Variants in COL4A5 observed in about 807,000 individuals in gnomAD.
COL4A5 encodes the protein collagen alpha-5(IV) chain.
In COL4A5, 26 loss-of-function variants were observed where a neutral mutation model predicts 130.2. The ratio of observed to expected loss-of-function variants is 0.20; its 90% CI spans 0.15 to 0.28. The LOEUF (loss-of-function observed/expected upper bound fraction) is 0.28, where lower values mean the gene tolerates loss of function less well. COL4A5 is among the 10% of genes least tolerant of loss of function. The pLI is 1.00. For synonymous variants in COL4A5, 496 were observed against 439.6 expected, an observed-to-expected ratio of 1.13 and a Z score of -1.60; for missense variants, 1,131 against 1,344.3, an observed-to-expected ratio of 0.84 and a Z score of 2.48.
In COL4A5 at chrX:108,540,110, C is replaced by CATAG. The variant is rs1404951107; in HGVS notation, c.141+307_141+310dup. Among the ~76,000 whole-genome samples the CATAG allele has an allele frequency of 1.3e-4, 14 of 111,746 alleles. 1 individual carries two copies. In the South Asian group the frequency reaches 4.9e-3, roughly 39 times the overall value. On this transcript the variant is annotated intron_variant, in intron 2 of 52. Transcript: ENST00000328300. The stretch of plus-strand genomic sequence containing the variant: ...TAAAAAATATTCTTAGCTCTTGGAT[C>CATAG]ATAGAACATGAGCCTCTTGGGATCT...
At chrX:108,592,555 A>C (rs1300101674) in intron 21 of COL4A5, among the ~76,000 whole-genome samples, 1 of 110,611 alleles carries the variant, frequency 9.0e-6, no homozygotes, top group Non-Finnish European at 1.9e-5. Flanking sequence ...AACATACTCC[A>C]ATCAAGATTT....
intron 1 of COL4A5, among the ~76,000 whole-genome samples, chrX:108,446,441 G>A (rs1428206398): frequency 1.8e-5 from 2 of 111,808 alleles, no homozygotes; most frequent in South Asian, 3.7e-4. Context: ...TGCTACAGCC[G>A]CCTTCATGGG....
chrX:108,534,453 G>A (rs931302154), intron 1 of COL4A5, among the ~76,000 whole-genome samples: 2 of 111,338 alleles, frequency 1.8e-5, no homozygotes, highest in African/African-American at 6.5e-5. Context: ...GATGGAACTC[G>A]ATGTCATTCT....
chrX:108,694,672 A>G (rs1297043253), intron 50 of COL4A5, 135 bp from the exon 51 acceptor site: 2 of 536,285 alleles, frequency 3.7e-6, no homozygotes, highest in Non-Finnish European at 6.6e-6. Context: ...CTCAAAGTGC[A>G]TTTTTTCACC....
chrX:108,498,491 G>A (rs2065052366), intron 1 of COL4A5, among the ~76,000 whole-genome samples: 1 of 110,761 alleles, frequency 9.0e-6, no homozygotes, highest in Admixed American at 9.6e-5. Context: ...TTCCATTTCT[G>A]TATAAATTAT....
intron 36 of COL4A5, among the ~76,000 whole-genome samples, chrX:108,643,860 G>C (rs1423718586): frequency 2.7e-5 from 3 of 111,911 alleles, no homozygotes; most frequent in African/African-American, 9.7e-5. Flanking sequence ...GCAACAAATA[G>C]CATGATGAAT....
At chrX:108,531,848 A>G (rs2065389839) in intron 1 of COL4A5, among the ~76,000 whole-genome samples, 1 of 112,091 alleles carries the variant, frequency 8.9e-6, no homozygotes, top group Non-Finnish European at 1.9e-5. Context: ...AGAAATGGAT[A>G]AATTCCTGGA....
At chrX:108,452,089 C>T (rs1437150198) in intron 1 of COL4A5, among the ~76,000 whole-genome samples, 1 of 111,952 alleles carries the variant, frequency 8.9e-6, no homozygotes, top group Non-Finnish European at 1.9e-5. Context: ...GGAATGCTTT[C>T]CCCATTGCTT....
chrX:108,526,663 C>T (rs867063805), intron 1 of COL4A5, among the ~76,000 whole-genome samples: 1 of 38,990 alleles, frequency 2.6e-5, no homozygotes, highest in Non-Finnish European at 4.1e-5. Context: ...TTTCTTTCTT[C>T]TTTCTTTCTC....
At chrX:108,626,639 T>C in intron 36 of COL4A5, 1 of 1,043,520 alleles carries the variant, frequency 9.6e-7, no homozygotes, top group South Asian at 2.4e-5. Context: ...GTCTTGTTAG[T>C]CCATCCCTTT....
rs1327241159 is a variant in COL4A5 at position 108,526,595 on chromosome X, C to CCCTTCTTTCTTT, written c.82-13150_82-13149insCTTCTTTCTTTC. Reference sequence around the variant, plus strand: ...TTCCTCCCTCCCTCCCTCCCTCCCTCCTTTCTTTCTTTCTTTCTTTCTTTC... The same window carrying CCCTTCTTTCTTT: ...TTCCTCCCTCCCTCCCTCCCTCCCTCCCTTCTTTCTTTCTTTCTTTCTTTCTTTCTTTCTTTC... On this transcript the variant is annotated intron_variant, in intron 1 of 52. Transcript: ENST00000328300. 4.5e-4 allele frequency among the ~76,000 whole-genome samples: 15 copies of CCCTTCTTTCTTT among 33,290 alleles called. 1 individual carries two copies. Among genetic ancestry groups the CCCTTCTTTCTTT allele is most frequent in the East Asian group, 1.2e-3 (1 of 823 alleles). The allele number at this position is 33,290 out of a possible 115,157, so 28.9% of individuals were successfully genotyped here.
intron 21 of COL4A5, among the ~76,000 whole-genome samples, chrX:108,595,154 C>A (rs981436996): frequency 1.2e-4 from 14 of 112,207 alleles, no homozygotes; most frequent in African/African-American, 4.5e-4. Flanking sequence ...TGAGCTACTG[C>A]AGTCTGCCTA....
chrX:108,674,485 A>G (rs2068266470), intron 42 of COL4A5: 1 of 279,673 alleles, frequency 3.6e-6, no homozygotes, highest in Non-Finnish European at 6.2e-6. Flanking sequence ...AGAGTTTTCT[A>G]TTTTCTGGAT....
At chrX:108,662,209 T>TA (rs2067974147) in intron 37 of COL4A5, among the ~76,000 whole-genome samples, 1 of 107,555 alleles carries the variant, frequency 9.3e-6, no homozygotes, top group African/African-American at 3.4e-5. Flanking sequence ...TATGCAGCCA[T>TA]AAAAAATGAT....
chrX:108,649,257 C>T (rs774320160), intron 36 of COL4A5, among the ~76,000 whole-genome samples: 16 of 111,884 alleles, frequency 1.4e-4, no homozygotes, highest in East Asian at 5.6e-4. Flanking sequence ...AAATCATAGA[C>T]GACACAAACA....
At chrX:108,554,337 C>T (rs748283706) in intron 2 of COL4A5, among the ~76,000 whole-genome samples, 1 of 111,229 alleles carries the variant, frequency 9.0e-6, no homozygotes, top group Non-Finnish European at 1.9e-5. Context: ...CACAAGGCAG[C>T]GGGAAAGAGA....
At chrX:108,537,223 T>C (rs1266310175) in intron 1 of COL4A5, among the ~76,000 whole-genome samples, 1 of 111,284 alleles carries the variant, frequency 9.0e-6, no homozygotes, top group Non-Finnish European at 1.9e-5. Flanking sequence ...AAGTGGCATC[T>C]AGTGGTTGGT....
intron 2 of COL4A5, among the ~76,000 whole-genome samples, chrX:108,555,510 T>C (rs2065812067): frequency 8.9e-6 from 1 of 112,203 alleles, no homozygotes; most frequent in South Asian, 3.7e-4. Context: ...TCCACATGTT[T>C]ATATAAATAT....
intron 19 of COL4A5, among the ~76,000 whole-genome samples, chrX:108,587,406 C>T (rs1200597220): frequency 3.6e-5 from 4 of 111,050 alleles, no homozygotes; most frequent in Non-Finnish European, 7.6e-5. Flanking sequence ...TTTCACTTAA[C>T]GTAATGTCCT....
Sources: allele counts gnomAD v4.1 joint callset (sites outside exome capture counted in the v4.1 genomes callset), GRCh38; gene constraint gnomAD v4.1.1; transcripts MANE v1.5; gene names NCBI Gene and HGNC (gene_info 2026-07-23, HGNC 2026-07-21).